OSBPL8: variants seen among roughly 807,000 people sequenced by gnomAD.
OSBPL8 encodes the protein oxysterol binding protein like 8, also known as oxysterol-binding protein-related protein 8.
OSBPL8 carries 59 observed loss-of-function variants against 125.5 expected under a neutral mutation model. The ratio of observed to expected loss-of-function variants is 0.47; its 90% CI spans 0.38 to 0.58. The LOEUF (loss-of-function observed/expected upper bound fraction) is 0.58, where lower values mean the gene tolerates loss of function less well. OSBPL8 is among the 20% of genes least tolerant of loss of function. The pLI, the probability that OSBPL8 is intolerant of heterozygous loss-of-function variation, is 0.00. For synonymous variants in OSBPL8, 330 were observed against 338.9 expected (o/e 0.97, Z 0.29); for missense variants, 758 against 1,047.8 (o/e 0.72, Z 3.82).
intron 2 of OSBPL8, among the ~76,000 whole-genome samples, chr12:76,468,516 G>A (rs1875734355): frequency 6.6e-6 from 1 of 152,170 alleles, no homozygotes; most frequent in African/African-American, 2.4e-5. Context: ...CTCCACTGGA[G>A]TGGGAATTTT....
intron 2 of OSBPL8, among the ~76,000 whole-genome samples, chr12:76,483,660 C>CTTT (rs869202382): frequency 0.022 from 1,246 of 57,464 alleles, 343 homozygotes; most frequent in African/African-American, 0.043. Flanking sequence ...CTGTAATAGT[C>CTTT]TTTTTTTTTT....
chr12:76,416,005 A>G (rs1355805416), intron 4 of OSBPL8, among the ~76,000 whole-genome samples: 1 of 152,062 alleles, frequency 6.6e-6, no homozygotes, highest in Non-Finnish European at 1.5e-5. Context: ...TACTTAGCTC[A>G]TTAATTTTTC....
Position 76,384,324 on chromosome 12 carries a change from G to A in OSBPL8, c.1560C>T (p.Ala520=), listed in dbSNP as rs1953200477. ...CATCTTTTCGATTACTAACATAAAA[G>A]GCAGATATTGGTGGATGATGGGACA... ...EQVSHHPPIS[A]FYVSNRKDGF... is the part of the protein sequence containing the mutation. The change falls in exon 15 of 24, where the codon GCC becomes GCT. Residue 520 remains alanine, a synonymous_variant. Coordinates refer to ENST00000261183, the MANE Select transcript of OSBPL8 (RefSeq NM_020841.5). 6.4e-7 allele frequency: 1 copy of A among 1,555,358 alleles called. No homozygotes were observed. The highest frequency in any genetic ancestry group is 8.8e-7 in the Non-Finnish European group (1 of 1,141,470).
At chr12:76,557,646 A>G (rs2137552688) in intron 1 of OSBPL8, among the ~76,000 whole-genome samples, 1 of 151,996 alleles carries the variant, frequency 6.6e-6, no homozygotes, top group South Asian at 2.1e-4. Flanking sequence ...TTTGTAATGC[A>G]TATTTTACAA....
At chr12:76,402,402 T>C (rs1954085234) in intron 6 of OSBPL8, among the ~76,000 whole-genome samples, 1 of 152,174 alleles carries the variant, frequency 6.6e-6, no homozygotes, top group African/African-American at 2.4e-5. Context: ...AGTGATAATA[T>C]ACCTAGTTTG....
Position 76,353,249 on chromosome 12 carries a change from A to G in OSBPL8, c.*2640T>C, listed in dbSNP as rs1370551262. On this transcript the variant is annotated 3_prime_UTR_variant, in exon 24 of 24. Coordinates refer to ENST00000261183, the MANE Select transcript of OSBPL8 (RefSeq NM_020841.5). The stretch of plus-strand genomic sequence containing the variant: ...AAAAGTACTAACATGAAATACAAAT[A>G]AAATATCTATTGCTGTAACTTAACA... 2 of 152,186 alleles carry G rather than the reference A, an allele frequency of 1.3e-5. No individual in the cohort carries two copies. Among genetic ancestry groups the G allele is most frequent in the Non-Finnish European group, 2.9e-5 (2 of 67,822 alleles). The allele number at this position is 152,186 out of a possible 1,614,324, so 9.4% of individuals were successfully genotyped here.
intron 14 of OSBPL8, 114 bp downstream of exon 14, chr12:76,386,054 T>C: frequency 2.1e-6 from 3 of 1,428,692 alleles, no homozygotes; most frequent in Non-Finnish European, 1.9e-6. Context: ...GTTTACCAAA[T>C]GTTCAGAAAT....
intron 1 of OSBPL8, among the ~76,000 whole-genome samples, chr12:76,518,333 G>A (rs910181879): frequency 2.6e-5 from 4 of 152,184 alleles, no homozygotes; most frequent in Non-Finnish European, 4.4e-5. Flanking sequence ...TGTGTGAGGG[G>A]TGGGCTCCCA....
intron 5 of OSBPL8, among the ~76,000 whole-genome samples, chr12:76,405,582 C>T (rs953085319): frequency 2.6e-5 from 4 of 152,148 alleles, no homozygotes; most frequent in Non-Finnish European, 2.9e-5. Flanking sequence ...CTTGGTAAAC[C>T]GCCCTCAAGG....
At chr12:76,412,198 A>T (rs1171305083) in intron 4 of OSBPL8, among the ~76,000 whole-genome samples, 1 of 152,082 alleles carries the variant, frequency 6.6e-6, no homozygotes, top group African/African-American at 2.4e-5. Flanking sequence ...AAAAAGAACA[A>T]CAAATATTGA....
At chr12:76,499,676 C>A (rs1225227277) in intron 1 of OSBPL8, among the ~76,000 whole-genome samples, 2 of 152,050 alleles carry the variant, frequency 1.3e-5, no homozygotes, top group Admixed American at 6.6e-5. Context: ...AATGTTGAAA[C>A]CTCGTCTCTA....
At chr12:76,549,750 A>G (rs115304936) in intron 1 of OSBPL8, among the ~76,000 whole-genome samples, 235 of 152,332 alleles carry the variant, frequency 1.5e-3, no homozygotes, top group African/African-American at 5.5e-3. Context: ...TCAGGGTTCT[A>G]AAGGAAAATT....
chr12:76,401,681 T>C (rs1278940446), intron 6 of OSBPL8, among the ~76,000 whole-genome samples: 1 of 152,148 alleles, frequency 6.6e-6, no homozygotes. Flanking sequence ...CTCTTACTGA[T>C]AGAAACCTTC....
intron 1 of OSBPL8, among the ~76,000 whole-genome samples, chr12:76,548,475 C>T (rs183509188): frequency 6.6e-4 from 101 of 152,226 alleles, no homozygotes; most frequent in African/African-American, 2.2e-3. Flanking sequence ...CTATATCTCC[C>T]ATCCCCTATT....
chr12:76,497,238 A>G (rs971915087), intron 1 of OSBPL8, among the ~76,000 whole-genome samples: 2 of 145,624 alleles, frequency 1.4e-5, no homozygotes, highest in African/African-American at 5.1e-5. Context: ...AACAGATTTT[A>G]CTTTCGACTT....
At chr12:76,545,522 C>G (rs1377004580) in intron 1 of OSBPL8, among the ~76,000 whole-genome samples, 1 of 152,146 alleles carries the variant, frequency 6.6e-6, no homozygotes. Flanking sequence ...ACAGTTAATT[C>G]AAGACAGTCT....
At position 76,423,980 on chromosome 12, in the gene OSBPL8, A is replaced by C. The variant is rs140716084; in HGVS notation, c.218-13346T>G. 1.2e-4 allele frequency among the ~76,000 whole-genome samples: 19 copies of C among 152,192 alleles called. 1 individual carries two copies. In the East Asian group the frequency reaches 3.5e-3, roughly 28 times the overall value. On this transcript the variant is annotated intron_variant, in intron 4 of 23. Coordinates refer to ENST00000261183, the MANE Select transcript of OSBPL8 (RefSeq NM_020841.5). Reference sequence around the variant, plus strand: ...TCCTTACTAGAAAGAACACATGAAAAAGCAAAACTCAATTTCTTTTTTGTT... The same window carrying C: ...TCCTTACTAGAAAGAACACATGAAACAGCAAAACTCAATTTCTTTTTTGTT...
At chr12:76,454,792 C>T (rs1207487222) in intron 3 of OSBPL8, among the ~76,000 whole-genome samples, 2 of 149,980 alleles carry the variant, frequency 1.3e-5, no homozygotes, top group East Asian at 1.9e-4. Context: ...AACCATGACA[C>T]CATTCTTTTA....
chr12:76,532,160 TAAGAA>T (rs1950359134), intron 1 of OSBPL8, among the ~76,000 whole-genome samples: 1 of 151,634 alleles, frequency 6.6e-6, no homozygotes, highest in Non-Finnish European at 1.5e-5. Flanking sequence ...CTATATTCTC[TAAGAA>T]GAGAAAAAAA....
Sources: allele counts gnomAD v4.1 joint callset (sites outside exome capture counted in the v4.1 genomes callset), GRCh38; gene constraint gnomAD v4.1.1; transcripts MANE v1.5; gene names NCBI Gene and HGNC (gene_info 2026-07-23, HGNC 2026-07-21).